The following PAPOLG variants were observed in gnomAD, a reference collection of about 807,000 sequenced individuals.
PAPOLG encodes PAP-gamma.
A neutral mutation model predicts 99.0 loss-of-function variants in PAPOLG; 40 were observed. The observed-to-expected ratio is 0.40, with a 90% CI of 0.31 to 0.53. PAPOLG has a LOEUF of 0.53. PAPOLG is among the 20% of genes least tolerant of loss of function. The probability of loss-of-function intolerance (pLI) is 0.41; values close to 1 mark genes in which losing one functional copy is unlikely to be tolerated. For synonymous variants in PAPOLG, 310 were observed against 299.3 expected (o/e 1.04, Z -0.37); for missense variants, 675 against 884.1 (o/e 0.76, Z 3.00).
intron 15 of PAPOLG, among the ~76,000 whole-genome samples, chr2:60,790,280 A>G (rs886762309): frequency 6.6e-6 from 1 of 152,202 alleles, no homozygotes; most frequent in African/African-American, 2.4e-5. Context: ...TTTTTTAGAA[A>G]GGATAAGACT....
intron 11 of PAPOLG, 71 bp from the exon 12 acceptor site, chr2:60,782,615 G>A (rs1215254518): frequency 2.2e-6 from 3 of 1,344,856 alleles, no homozygotes; most frequent in East Asian, 3.5e-5. Context: ...GTAGTAGAGT[G>A]ATTTAAGAGC....
Position 60,799,783 on chromosome 2 carries a change from C to T in PAPOLG, c.*2623C>T, listed in dbSNP as rs1671806712. The T allele has an allele frequency of 6.6e-6, 1 of 151,876 alleles. No homozygotes were observed. Among genetic ancestry groups the T allele is most frequent in the Admixed American group, 6.6e-5 (1 of 15,240 alleles). The allele number at this position is 151,876 out of a possible 1,614,324, so 9.4% of individuals were successfully genotyped here. Reference sequence around the variant, plus strand: ...GGGATTACAGGCACCCACCACCTCGCCCAGCTAATTTTTGTATTTTTAGTA... The same window carrying T: ...GGGATTACAGGCACCCACCACCTCGTCCAGCTAATTTTTGTATTTTTAGTA... On this transcript the variant is annotated 3_prime_UTR_variant, in exon 22 of 22. Coordinates refer to ENST00000238714, the MANE Select transcript of PAPOLG (RefSeq NM_022894.4).
At chr2:60,796,537 G>A (rs1415328587) in intron 21 of PAPOLG, among the ~76,000 whole-genome samples, 5 of 152,196 alleles carry the variant, frequency 3.3e-5, no homozygotes, top group African/African-American at 1.2e-4. Flanking sequence ...TCTAGCCTAA[G>A]TACAAAGTTC....
At chr2:60,794,282 T>G in intron 19 of PAPOLG, 91 bp downstream of exon 19, 1 of 1,283,200 alleles carries the variant, frequency 7.8e-7, no homozygotes, top group East Asian at 2.5e-5. Context: ...TGGTGTTCTG[T>G]TAGGAGTTGG....
chr2:60,778,519 A>G (rs1671091009), intron 8 of PAPOLG, among the ~76,000 whole-genome samples: 1 of 152,040 alleles, frequency 6.6e-6, no homozygotes, highest in Non-Finnish European at 1.5e-5. Flanking sequence ...TGCTGAAAAC[A>G]TTCTAGTATT....
chr2:60,756,350 G>A lies in PAPOLG; in HGVS notation c.-129G>A, dbSNP rs1178289069. On this transcript the variant is annotated 5_prime_UTR_variant, in exon 1 of 22. It removes the in-frame stop codon of an upstream open reading frame in the 5' UTR. Transcript: ENST00000238714. ...TACTCGGTTGGATGCCTCAGCCATA[G>A]TAAGTGGGAAAGTGAGCGAGCAAGC... The A allele has an allele frequency of 1.4e-5, 17 of 1,181,590 alleles. No individual in the cohort carries two copies. Among genetic ancestry groups the A allele is most frequent in the Non-Finnish European group, 2.1e-5 (17 of 792,838 alleles). 73.2% of individuals were successfully genotyped at this position (1,181,590 alleles called of 1,614,324 possible).
At chr2:60,780,112 G>A (rs1671143860) in intron 9 of PAPOLG, among the ~76,000 whole-genome samples, 1 of 152,142 alleles carries the variant, frequency 6.6e-6, no homozygotes, top group African/African-American at 2.4e-5. Context: ...AATGTTGGCT[G>A]TTGCTGTTAC....
intron 11 of PAPOLG, 99 bp downstream of exon 11, chr2:60,782,104 C>T (rs1573241757): frequency 8.4e-7 from 1 of 1,195,738 alleles, no homozygotes; most frequent in Non-Finnish European, 1.2e-6. Flanking sequence ...TAGAGTTATA[C>T]CTATTCTTTC....
intron 7 of PAPOLG, among the ~76,000 whole-genome samples, chr2:60,772,028 A>T (rs1424088445): frequency 1.3e-5 from 2 of 152,054 alleles, no homozygotes; most frequent in African/African-American, 4.8e-5. Context: ...GTGTGTGAAG[A>T]ATGGCTTCTT....
chr2:60,761,007 G>A (rs534065462), intron 2 of PAPOLG, among the ~76,000 whole-genome samples: 38 of 152,280 alleles, frequency 2.5e-4, no homozygotes, highest in African/African-American at 9.1e-4. Context: ...GAGGATGGTC[G>A]TAGAGGTAAT....
intron 9 of PAPOLG, 71 bp from the exon 10 acceptor site, chr2:60,780,636 A>C: frequency 1.4e-6 from 2 of 1,451,490 alleles, no homozygotes; most frequent in Non-Finnish European, 1.9e-6. Flanking sequence ...AGAACAATCT[A>C]ATAATTATAA....
chr2:60,787,521 G>C lies in PAPOLG; in HGVS notation c.1297G>C (p.Val433Leu), dbSNP rs146772717. ...NKEHHKDNNY[V>L]SMWFLGIIFR... ...AATTTTACTTTATAGCAACAATTACGTATCAATGTGGTTCCTTGGGATAAT... is the reference window on the plus strand; with the variant it reads ...AATTTTACTTTATAGCAACAATTACCTATCAATGTGGTTCCTTGGGATAAT... The change falls in exon 15 of 22, where the codon GTA becomes CTA. Residue 433 changes from valine to leucine, a missense_variant. By Grantham distance (32) the Val-to-Leu change is conservative (BLOSUM62 1). Transcript: ENST00000238714. 3.1e-6 allele frequency: 5 copies of C among 1,612,620 alleles called. No individual in the cohort carries two copies. The highest frequency in any genetic ancestry group is 4.2e-6 in the Non-Finnish European group (5 of 1,179,610).
In PAPOLG at chr2:60,768,813, A is replaced by G. The variant is rs751479094; in HGVS notation, c.361A>G (p.Arg121Gly). Residue 121 changes from arginine (R) to glycine (G), a missense_variant, in exon 5 of 22, where the codon AGA becomes GGA. Coordinates refer to ENST00000238714, the MANE Select transcript of PAPOLG (RefSeq NM_022894.4). The stretch of plus-strand genomic sequence containing the variant: ...CATTGATGCACTTTGTGTAGCTCCA[A>G]GACATGTGGAAAGATCTGATTTTTT... ...ADIDALCVAP[R>G]HVERSDFFQS... The G allele has an allele frequency of 1.3e-6, 2 of 1,594,816 alleles. No homozygotes were observed. Among genetic ancestry groups the G allele is most frequent in the Non-Finnish European group, 8.6e-7 (1 of 1,168,624 alleles).
intron 8 of PAPOLG, among the ~76,000 whole-genome samples, chr2:60,777,668 G>T (rs1486623127): frequency 1.3e-5 from 2 of 152,054 alleles, no homozygotes; most frequent in African/African-American, 4.8e-5. Context: ...TCTAGTTTTT[G>T]ATTTAAAGTG....
intron 2 of PAPOLG, among the ~76,000 whole-genome samples, chr2:60,760,961 A>G (rs550268969): frequency 6.6e-6 from 1 of 152,358 alleles, no homozygotes; most frequent in South Asian, 2.1e-4. Context: ...AGCCATTATA[A>G]TAGCCCTAGG....
chr2:60,781,834 G>GA, intron 10 of PAPOLG, 51 bp from the exon 11 acceptor site: 1 of 1,606,236 alleles, frequency 6.2e-7, no homozygotes, highest in East Asian at 2.2e-5. Context: ...AATGAAGTGA[G>GA]AACAACTGAA....
At chr2:60,761,699 CATTT>C (rs1218978049) in intron 2 of PAPOLG, 38 bp from the exon 3 acceptor site, 2 of 1,530,070 alleles carry the variant, frequency 1.3e-6, no homozygotes, top group African/African-American at 1.4e-5. Flanking sequence ...ACTGTTTGTT[CATTT>C]GTTTGTTTGT....
intron 18 of PAPOLG, 26 bp from the exon 19 acceptor site, chr2:60,793,944 TA>T: frequency 6.3e-7 from 1 of 1,587,600 alleles, no homozygotes; most frequent in Non-Finnish European, 8.6e-7. Context: ...AATGTTTAAT[TA>T]TTAAAATCCT....
At chr2:60,774,184 T>C (rs984187060) in intron 7 of PAPOLG, among the ~76,000 whole-genome samples, 1 of 151,902 alleles carries the variant, frequency 6.6e-6, no homozygotes, top group African/African-American at 2.4e-5. Flanking sequence ...AAACTCCGCC[T>C]CCCGGGTTCA....
Sources: gnomAD v4.1 joint callset for allele counts (sites outside exome capture counted in the v4.1 genomes callset) on GRCh38, gnomAD v4.1.1 for gene constraint, MANE v1.5 for transcripts, NCBI Gene and HGNC (gene_info 2026-07-23, HGNC 2026-07-21) for gene names.